The following TRAPPC9 variants were observed in gnomAD, a reference collection of about 807,000 sequenced individuals.
TRAPPC9 encodes the protein IKK2 binding protein.
A neutral mutation model predicts 124.0 loss-of-function variants in TRAPPC9; 83 were observed. The ratio of observed to expected loss-of-function variants is 0.67; its 90% CI spans 0.56 to 0.80. The LOEUF is 0.80. TRAPPC9 is among the 30% of genes least tolerant of loss of function. The pLI, the probability that TRAPPC9 is intolerant of heterozygous loss-of-function variation, is 0.00. For missense variants in TRAPPC9, 1,302 were observed against 1,508.3 expected (o/e 0.86, Z 2.27); for synonymous variants, 638 against 617.5 (o/e 1.03, Z -0.49).
At chr8:139,787,539 C>G (rs1180775562) in intron 21 of TRAPPC9, among the ~76,000 whole-genome samples, 1 of 152,158 alleles carries the variant, frequency 6.6e-6, no homozygotes. Flanking sequence ...CAGACGCTTT[C>G]AAAGCCTAAT....
intron 9 of TRAPPC9, among the ~76,000 whole-genome samples, chr8:140,327,587 G>A (rs1300261789): frequency 6.6e-6 from 1 of 152,130 alleles, no homozygotes; most frequent in Non-Finnish European, 1.5e-5. Context: ...CCCTAAAAAG[G>A]AATGAAATTT....
intron 21 of TRAPPC9, among the ~76,000 whole-genome samples, chr8:139,835,470 G>C (rs1465213337): frequency 6.6e-6 from 1 of 152,216 alleles, no homozygotes; most frequent in Non-Finnish European, 1.5e-5. Context: ...ACGTTCGCCC[G>C]TGCTGTGCGT....
At chr8:139,852,465 G>A (rs1200536659) in intron 21 of TRAPPC9, among the ~76,000 whole-genome samples, 1 of 152,172 alleles carries the variant, frequency 6.6e-6, no homozygotes, top group African/African-American at 2.4e-5. Context: ...CACAGTGCGT[G>A]CTCTGACAAT....
At chr8:140,101,593 AGTGCAATG>A (rs2060582551) in intron 17 of TRAPPC9, among the ~76,000 whole-genome samples, 1 of 114,350 alleles carries the variant, frequency 8.7e-6, no homozygotes, top group South Asian at 3.0e-4. Flanking sequence ...CCCAGGCTGG[AGTGCAATG>A]GTGCAATCTC....
chr8:139,975,993 G>A (rs1023332557), intron 19 of TRAPPC9, among the ~76,000 whole-genome samples: 11 of 122,314 alleles, frequency 9.0e-5, no homozygotes, highest in Non-Finnish European at 1.4e-4. Flanking sequence ...CGGGGTTCAC[G>A]CCATTCTCCT....
chr8:139,800,604 A>T (rs996693309), intron 21 of TRAPPC9, among the ~76,000 whole-genome samples: 2 of 152,198 alleles, frequency 1.3e-5, no homozygotes, highest in African/African-American at 4.8e-5. Context: ...CCACTGCCCC[A>T]GAAGGCAGGT....
chr8:139,929,463 T>C (rs1832996704), intron 19 of TRAPPC9, among the ~76,000 whole-genome samples: 1 of 151,558 alleles, frequency 6.6e-6, no homozygotes, highest in East Asian at 1.9e-4. Flanking sequence ...GGGCCGAGCG[T>C]GGTGGCTCAC....
intron 17 of TRAPPC9, among the ~76,000 whole-genome samples, chr8:140,171,735 G>C (rs1206238662): frequency 6.6e-6 from 1 of 152,168 alleles, no homozygotes; most frequent in African/African-American, 2.4e-5. Flanking sequence ...AAAAAATTGG[G>C]AGAACTCCAA....
chr8:139,974,976 G>A (rs1341856453), intron 19 of TRAPPC9, among the ~76,000 whole-genome samples: 1 of 152,048 alleles, frequency 6.6e-6, no homozygotes, highest in Non-Finnish European at 1.5e-5. Flanking sequence ...AGCCGCACCC[G>A]ATTCAAAGGG....
chr8:140,232,290 T>G (rs1376842846), intron 16 of TRAPPC9, among the ~76,000 whole-genome samples: 2 of 151,624 alleles, frequency 1.3e-5, no homozygotes, highest in African/African-American at 4.9e-5. Flanking sequence ...CTTTAAAGAG[T>G]AATGAGTTCC....
intron 16 of TRAPPC9, among the ~76,000 whole-genome samples, chr8:140,234,039 T>A (rs577909800): frequency 1.8e-4 from 27 of 152,284 alleles, no homozygotes; most frequent in Admixed American, 8.5e-4. Flanking sequence ...TAATTAAAAT[T>A]AAATACAATT....
intron 15 of TRAPPC9, among the ~76,000 whole-genome samples, chr8:140,253,687 A>G (rs144037295): frequency 2.0e-5 from 3 of 152,228 alleles, no homozygotes; most frequent in African/African-American, 7.2e-5. Flanking sequence ...CAAAAGAAAA[A>G]AAAAACATCA....
intron 17 of TRAPPC9, among the ~76,000 whole-genome samples, chr8:140,196,860 C>T (rs1297557240): frequency 1.3e-5 from 2 of 152,178 alleles, no homozygotes; most frequent in East Asian, 1.9e-4. Context: ...GAACAATTCA[C>T]GTACAGACCA....
At chr8:139,821,341 G>A (rs1283901651) in intron 21 of TRAPPC9, among the ~76,000 whole-genome samples, 5 of 152,242 alleles carry the variant, frequency 3.3e-5, no homozygotes, top group East Asian at 1.9e-4. Context: ...TGAGAAGGGC[G>A]AGGCCCAGGG....
chr8:139,896,397 A>T (rs182856086), intron 20 of TRAPPC9, among the ~76,000 whole-genome samples: 1 of 152,340 alleles, frequency 6.6e-6, no homozygotes, highest in Non-Finnish European at 1.5e-5. Flanking sequence ...GCTGTGAAGG[A>T]TGCCCTGGGT....
rs56794885 is a variant in TRAPPC9 at position 139,925,827 on chromosome 8, G to GCACA, written c.2811-15531_2811-15528dup. On this transcript the variant is annotated intron_variant, in intron 19 of 22. Transcript: ENST00000438773. ...AGCACACGCACACGCACACGCACAC[G>GCACA]CACACACACACACACACACGTTTCA... Among the ~76,000 whole-genome samples, 293 of 68,734 alleles carry GCACA rather than the reference G, an allele frequency of 4.3e-3. 2 individuals carry two copies. Among genetic ancestry groups the GCACA allele is most frequent in the Non-Finnish European group, 6.2e-3 (159 of 25,760 alleles). The allele number at this position is 68,734 out of a possible 152,430, so 45.1% of individuals were successfully genotyped here.
At chr8:140,258,888 C>T (rs1236698120) in intron 15 of TRAPPC9, among the ~76,000 whole-genome samples, 5 of 152,324 alleles carry the variant, frequency 3.3e-5, no homozygotes, top group African/African-American at 1.2e-4. Context: ...CCAACCTCCC[C>T]GTGAACCGCC....
chr8:140,207,671 C>T (rs1038743717), intron 17 of TRAPPC9, among the ~76,000 whole-genome samples: 2 of 152,222 alleles, frequency 1.3e-5, no homozygotes, highest in Non-Finnish European at 2.9e-5. Flanking sequence ...CTACCTGGTG[C>T]TTCGCGGTGA....
chr8:140,349,950 T>C (rs2067500979), intron 9 of TRAPPC9, among the ~76,000 whole-genome samples: 1 of 152,180 alleles, frequency 6.6e-6, no homozygotes, highest in Non-Finnish European at 1.5e-5. Context: ...ATGATTTACA[T>C]CCTCTAAGTG....
Sources: allele counts gnomAD v4.1 joint callset (sites outside exome capture counted in the v4.1 genomes callset), GRCh38; gene constraint gnomAD v4.1.1; transcripts MANE v1.5; gene names NCBI Gene and HGNC (gene_info 2026-07-23, HGNC 2026-07-21).